The following GTF2F2 variants were observed in gnomAD, a reference collection of about 807,000 sequenced individuals.
The protein encoded by GTF2F2 is ATP-dependent helicase GTF2F2.
GTF2F2 carries 23 observed loss-of-function variants against 42.2 expected under a neutral mutation model. That is an observed-to-expected ratio of 0.55 (90% CI 0.39 to 0.77). The LOEUF (loss-of-function observed/expected upper bound fraction) is 0.77, where lower values mean the gene tolerates loss of function less well. Ranked by LOEUF, GTF2F2 falls within the 30% of genes least tolerant of loss-of-function variation. The pLI, the probability that GTF2F2 is intolerant of heterozygous loss-of-function variation, is 0.00. For missense variants in GTF2F2, 261 were observed against 287.2 expected (o/e 0.91, Z 0.66); for synonymous variants, 105 against 100.8 (o/e 1.04, Z -0.25).
chr13:45,278,443 T>A (rs1403651188), intron 7 of GTF2F2, among the ~76,000 whole-genome samples: 1 of 152,228 alleles, frequency 6.6e-6, no homozygotes, highest in Non-Finnish European at 1.5e-5. Context: ...GAAGAATTGC[T>A]GGACCTGAGC....
intron 4 of GTF2F2, among the ~76,000 whole-genome samples, chr13:45,186,369 T>G (rs917426108): frequency 2.0e-5 from 3 of 150,464 alleles, no homozygotes; most frequent in Non-Finnish European, 4.4e-5. Context: ...TCTGCTCACT[T>G]CAACCTCCAC....
At chr13:45,228,476 G>A (rs1037434112) in intron 5 of GTF2F2, among the ~76,000 whole-genome samples, 1 of 148,618 alleles carries the variant, frequency 6.7e-6, no homozygotes, top group Non-Finnish European at 1.5e-5. Context: ...CCTGACGCTG[G>A]GCCAGACTTA....
chr13:45,205,685 A>T (rs1417174383), intron 4 of GTF2F2, among the ~76,000 whole-genome samples: 1 of 151,954 alleles, frequency 6.6e-6, no homozygotes, highest in Non-Finnish European at 1.5e-5. Flanking sequence ...ATGCCTGGCT[A>T]ATTTTTTATA....
chr13:45,193,597 A>C, intron 4 of GTF2F2: 1 of 539,454 alleles, frequency 1.9e-6, no homozygotes. Context: ...GAGTCTGATC[A>C]GTAGGAACAC....
chr13:45,149,880 T>G (rs1870398917), intron 3 of GTF2F2, 92 bp downstream of exon 3: 1 of 1,264,606 alleles, frequency 7.9e-7, no homozygotes, highest in African/African-American at 1.5e-5. Flanking sequence ...TTTGGAAAAC[T>G]CCACATCAAG....
intron 7 of GTF2F2, among the ~76,000 whole-genome samples, chr13:45,270,315 T>G (rs1040436495): frequency 1.2e-4 from 18 of 152,142 alleles, no homozygotes; most frequent in African/African-American, 3.9e-4. Context: ...TAAAGATATA[T>G]TATCTTAGTC....
rs1447942094 is a variant in GTF2F2, at chr13:45,283,745, A to G, written c.*184A>G. ...TTCTTAACTGTTTTTTTGAGGAGAA[A>G]GAACAGATTTATTTATAGACTTAAC... On this transcript the variant is annotated 3_prime_UTR_variant, in exon 8 of 8. Transcript: ENST00000340473. 5.7e-6 allele frequency: 2 copies of G among 353,514 alleles called. No individual in the cohort carries two copies. The highest frequency in any genetic ancestry group is 2.1e-5 in the African/African-American group (1 of 47,192). The allele number at this position is 353,514 out of a possible 1,614,324, so 21.9% of individuals were successfully genotyped here. A position where few individuals can be genotyped will look rare whatever the true frequency, so the allele number is the denominator to read the frequency against.
intron 6 of GTF2F2, among the ~76,000 whole-genome samples, chr13:45,258,657 A>G (rs185360858): frequency 6.6e-6 from 1 of 152,372 alleles, no homozygotes; most frequent in East Asian, 1.9e-4. Flanking sequence ...ATGAATGCAA[A>G]TCACTGTATT....
intron 4 of GTF2F2, among the ~76,000 whole-genome samples, chr13:45,172,234 T>C (rs1871633712): frequency 6.6e-6 from 1 of 152,202 alleles, no homozygotes; most frequent in Middle Eastern, 3.2e-3. Context: ...GGCATTTCAT[T>C]GTGATTTTCA....
chr13:45,120,773 A>C, intron 1 of GTF2F2, 52 bp downstream of exon 1: 1 of 1,346,214 alleles, frequency 7.4e-7, no homozygotes, highest in South Asian at 1.3e-5. Context: ...AGTATAGTTT[A>C]AGTAACTTGA....
intron 4 of GTF2F2, among the ~76,000 whole-genome samples, chr13:45,165,552 C>T (rs2138137262): frequency 7.0e-6 from 1 of 142,066 alleles, no homozygotes; most frequent in African/African-American, 2.8e-5. Flanking sequence ...ATAAACCTTT[C>T]TTTCCACTGC....
chr13:45,205,341 TA>T (rs554663287), intron 4 of GTF2F2, among the ~76,000 whole-genome samples: 29 of 152,216 alleles, frequency 1.9e-4, no homozygotes, highest in Admixed American at 1.8e-3. Context: ...GAGAACAGCA[TA>T]GGGGGAACTG....
chr13:45,245,666 AATATATATATATATATATATATAT>A (rs372488927), intron 5 of GTF2F2, among the ~76,000 whole-genome samples: 1 of 110,848 alleles, frequency 9.0e-6, no homozygotes, highest in Non-Finnish European at 1.8e-5. Flanking sequence ...CCATGGTGTG[AATATATATATATATATATATATAT>A]ATATATATAT....
At chr13:45,127,241 A>T (rs755048463) in intron 1 of GTF2F2, among the ~76,000 whole-genome samples, 1 of 152,128 alleles carries the variant, frequency 6.6e-6, no homozygotes, top group Non-Finnish European at 1.5e-5. Flanking sequence ...GGGAATCTAC[A>T]GTTTTATTAT....
chr13:45,128,760 AT>A (rs1869180447), intron 1 of GTF2F2, among the ~76,000 whole-genome samples: 1 of 151,802 alleles, frequency 6.6e-6, no homozygotes, highest in Non-Finnish European at 1.5e-5. Context: ...TGCCTAGATA[AT>A]TTTTAAATTT....
rs1869650542 is a variant in GTF2F2 at position 45,136,801 on chromosome 13, T to G, written c.135T>G (p.Ile45Met). Residue 45 changes from isoleucine (I) to methionine (M), a missense_variant, in exon 2 of 8, where the codon ATT becomes ATG. Transcript: ENST00000340473. ...SGRGEVGKLR[I>M]AKTQGRTEVS... ...GAGGTGAAGTTGGGAAACTGCGGAT[T>G]GCCAAGTAAGTTATTTACATATTCT... The G allele has an allele frequency of 2.6e-6, 4 of 1,562,370 alleles. No individual in the cohort carries two copies. Among genetic ancestry groups the G allele is most frequent in the Non-Finnish European group, 3.5e-6 (4 of 1,133,678 alleles).
At chr13:45,151,897 T>TA (rs1393266039) in intron 4 of GTF2F2, 66 bp downstream of exon 4, 1 of 494,836 alleles carries the variant, frequency 2.0e-6, no homozygotes, top group African/African-American at 2.1e-5. Flanking sequence ...TGTCTCAACA[T>TA]ACACTCCTAT....
At chr13:45,279,221 A>T (rs1027559611) in intron 7 of GTF2F2, among the ~76,000 whole-genome samples, 13 of 152,216 alleles carry the variant, frequency 8.5e-5, no homozygotes, top group Admixed American at 2.0e-4. Context: ...GGCACATTGT[A>T]GGTGCTGGAA....
At chr13:45,137,134 C>T (rs1869671003) in intron 2 of GTF2F2, among the ~76,000 whole-genome samples, 2 of 152,194 alleles carry the variant, frequency 1.3e-5, no homozygotes, top group Non-Finnish European at 2.9e-5. Flanking sequence ...TTTGCTTAGG[C>T]TGGGTATAAC....
Sources: gnomAD v4.1 joint callset for allele counts (sites outside exome capture counted in the v4.1 genomes callset) on GRCh38, gnomAD v4.1.1 for gene constraint, MANE v1.5 for transcripts, NCBI Gene and HGNC (gene_info 2026-07-23, HGNC 2026-07-21) for gene names.